RPL37A: variants seen among roughly 807,000 people sequenced by gnomAD.
The protein encoded by RPL37A is ribosomal protein L37a, also known as large ribosomal subunit protein eL43.
A neutral mutation model predicts 13.6 loss-of-function variants in RPL37A; 5 were observed. That is an observed-to-expected ratio of 0.37 (90% CI 0.19 to 0.78). The LOEUF is 0.78. RPL37A is among the 30% of genes least tolerant of loss of function. The probability of loss-of-function intolerance (pLI) is 0.49; values close to 1 mark genes in which losing one functional copy is unlikely to be tolerated. For synonymous variants in RPL37A, 50 were observed against 44.4 expected (o/e 1.13, Z -0.50); for missense variants, 77 against 120.0 (o/e 0.64, Z 1.67).
Position 216,498,994 on chromosome 2 carries a change from C to T in RPL37A, c.3+117C>T, listed in dbSNP as rs1574496587. The T allele has an allele frequency of 1.1e-5, 16 of 1,439,592 alleles. No individual in the cohort carries two copies. In the East Asian group the frequency reaches 3.0e-4, roughly 27 times the overall value. The allele number at this position is 1,439,592 out of a possible 1,614,324, so 89.2% of individuals were successfully genotyped here. A position where few individuals can be genotyped will look rare whatever the true frequency, so the allele number is the denominator to read the frequency against. ...CCCGTGTTCTCTCCTGTCTCCATGC[C>T]TTTGCAGGAGACACCATTGTCGGAA... On this transcript the variant is annotated intron_variant, in intron 1 of 3. Transcript: ENST00000491306.
At position 216,501,390 on chromosome 2, in the gene RPL37A, T is replaced by A. The variant is rs557508271; in HGVS notation, c.265T>A (p.Leu89Met). Reference sequence around the variant, plus strand: ...GTCCGCCATCAGAAGACTGAAGGAGTTGAAAGACCAGTAGACGCTCCTCTA... The same window carrying A: ...GTCCGCCATCAGAAGACTGAAGGAGATGAAAGACCAGTAGACGCTCCTCTA... The part of the protein sequence containing the change: ...VKSAIRRLKE[L>M]KDQ The change falls in exon 4 of 4, where the codon TTG becomes ATG. Residue 89 changes from leucine (L) to methionine (M), a missense_variant. Leu to Met is a conservative substitution (Grantham distance 15). Coordinates refer to ENST00000491306, the MANE Select transcript of RPL37A (RefSeq NM_000998.5). The A allele has an allele frequency of 1.7e-5, 28 of 1,611,580 alleles. No homozygotes were observed. The South Asian group carries it at 2.9e-4, about 16-fold the overall frequency.
chr2:216,499,059 C>T (rs1242472111), intron 1 of RPL37A, 182 bp downstream of exon 1: 8 of 1,159,400 alleles, frequency 6.9e-6, no homozygotes, highest in Non-Finnish European at 7.3e-6. Flanking sequence ...TTGGCTGGGC[C>T]TGGCGCGCTC....
intron 2 of RPL37A, 112 bp downstream of exon 2, chr2:216,499,510 A>C: frequency 8.1e-7 from 1 of 1,241,898 alleles, no homozygotes; most frequent in Non-Finnish European, 1.1e-6. Context: ...AGTTGGAATT[A>C]CTCATACCGT....
At position 216,503,646 on chromosome 2, in the gene RPL37A, G is replaced by A. The variant is rs77233212; in HGVS notation, c.*2242G>A. 0.024 allele frequency: 3,607 copies of A among 152,276 alleles called. 113 individuals are homozygous for A. Among genetic ancestry groups the A allele is most frequent in the East Asian group, 0.17 (889 of 5,186 alleles). 9.4% of individuals were successfully genotyped at this position (152,276 alleles called of 1,614,324 possible). On this transcript the variant is annotated 3_prime_UTR_variant, in exon 4 of 4. Transcript: ENST00000491306. ...CAAACTCCCAGGCTCAACTGATAAC[G>A]TCTGCCTTGGCCTCCCAAAGTGCTG...
Position 216,501,329 on chromosome 2 carries a change from C to A in RPL37A, c.216-12C>A. On this transcript the variant is annotated splice_polypyrimidine_tract_variant and intron_variant, in intron 3 of 3. Coordinates refer to ENST00000491306, the MANE Select transcript of RPL37A (RefSeq NM_000998.5). ...TGCTTAATTATGTTGGAAACTGAAT[C>A]TTTCTTTCCAGTACCACTTCCGCTG... 6.2e-7 allele frequency: 1 copy of A among 1,609,382 alleles called. No individual in the cohort carries two copies. Among genetic ancestry groups the A allele is most frequent in the Admixed American group, 1.7e-5 (1 of 59,752 alleles).
Position 216,502,821 on chromosome 2 carries a change from TC to T in RPL37A, c.*1418del. The T allele has an allele frequency of 6.6e-6, 1 of 152,366 alleles. No homozygotes were observed. Among genetic ancestry groups the T allele is most frequent in the Middle Eastern group, 3.4e-3 (1 of 294 alleles). The allele number at this position is 152,366 out of a possible 1,614,324, so 9.4% of individuals were successfully genotyped here. On this transcript the variant is annotated 3_prime_UTR_variant, in exon 4 of 4. Coordinates refer to ENST00000491306, the MANE Select transcript of RPL37A (RefSeq NM_000998.5). ...TATCTTCTATAACTTGTTTTTTTGC[TC>T]ATTACTGGCCTTTGCACGGATGTCT...
Position 216,501,390 on chromosome 2 carries a change from T to C in RPL37A, c.265T>C (p.Leu89=). 1.9e-6 allele frequency: 3 copies of C among 1,611,580 alleles called. No individual in the cohort carries two copies. The highest frequency in any genetic ancestry group is 2.5e-6 in the Non-Finnish European group (3 of 1,179,096). ...VKSAIRRLKE[L]KDQ is the part of the protein sequence containing the mutation. ...GTCCGCCATCAGAAGACTGAAGGAG[T>C]TGAAAGACCAGTAGACGCTCCTCTA... Residue 89 remains leucine, a synonymous_variant, in exon 4 of 4, where the codon TTG becomes CTG. Transcript: ENST00000491306.
rs1478055639 is a variant in RPL37A, at chr2:216,499,359, C to T, written c.93C>T (p.Ile31=). The part of the protein sequence containing the change: ...SLRKMVKKIE[I]SQHAKYTCSF... ...GGAAAATGGTGAAGAAAATTGAAAT[C>T]AGCCAGCACGCCAAGTACACTTGCT... The change falls in exon 2 of 4, where the codon ATC becomes ATT. Residue 31 remains isoleucine (I), a synonymous_variant. Transcript: ENST00000491306. 1 of 1,614,174 alleles carries T rather than the reference C, an allele frequency of 6.2e-7. No individual in the cohort carries two copies. The highest frequency in any genetic ancestry group is 8.5e-7 in the Non-Finnish European group (1 of 1,180,038).
At position 216,499,998 on chromosome 2, in the gene RPL37A, T is replaced by C. The variant is rs756543523; in HGVS notation, c.182T>C (p.Met61Thr). 6.2e-7 allele frequency: 1 copy of C among 1,614,012 alleles called. No individual in the cohort carries two copies. Among genetic ancestry groups the C allele is most frequent in the Non-Finnish European group, 8.5e-7 (1 of 1,180,010 alleles). Reference protein sequence around the residue: ...AVGIWHCGSCMKTVAGGAWTY... With the variant: ...AVGIWHCGSCTKTVAGGAWTY... ...GGGATCTGGCACTGTGGTTCCTGCA[T>C]GAAGACAGTGGCTGGCGGTGCCTGG... Residue 61 changes from methionine (M) to threonine (T), a missense_variant, in exon 3 of 4, where the codon ATG becomes ACG. Physicochemically the swap from Met to Thr is moderately conservative, Grantham distance 81. Coordinates refer to ENST00000491306, the MANE Select transcript of RPL37A (RefSeq NM_000998.5).
chr2:216,498,964 C>T (rs1271772282), intron 1 of RPL37A, 87 bp downstream of exon 1: 8 of 1,556,264 alleles, frequency 5.1e-6, no homozygotes, highest in African/African-American at 1.4e-5. Flanking sequence ...CCTCTCCTGC[C>T]TTACCCCGTG....
intron 2 of RPL37A, chr2:216,499,723 G>C (rs997034689): frequency 1.5e-4 from 101 of 689,018 alleles, no homozygotes; most frequent in Non-Finnish European, 2.4e-4. Flanking sequence ...CAAGATGTCT[G>C]TGCATCTAAT....
In RPL37A at chr2:216,500,146, G is replaced by T. The variant is rs557597801; in HGVS notation, c.215+115G>T. 22 of 750,076 alleles carry T rather than the reference G, an allele frequency of 2.9e-5. No individual in the cohort carries two copies. The African/African-American group carries it at 3.7e-4, about 13-fold the overall frequency. The allele number at this position is 750,076 out of a possible 1,614,324, so 46.5% of individuals were successfully genotyped here. ...TTCTCAGGACTGAGAGAATAAGGAT[G>T]CCTTTGTATTTTCAGGATTCTTCCG... On this transcript the variant is annotated intron_variant, in intron 3 of 3. Coordinates refer to ENST00000491306, the MANE Select transcript of RPL37A (RefSeq NM_000998.5).
chr2:216,501,539 C>T lies in RPL37A; in HGVS notation c.*135C>T. 1 of 579,876 alleles carries T rather than the reference C, an allele frequency of 1.7e-6. No homozygotes were observed. The highest frequency in any genetic ancestry group is 2.4e-5 in the South Asian group (1 of 42,240). 35.9% of individuals were successfully genotyped at this position (579,876 alleles called of 1,614,324 possible). On this transcript the variant is annotated 3_prime_UTR_variant, in exon 4 of 4. Transcript: ENST00000491306. ...TGTAAATACTGTTGTATTGGAAAAG[C>T]ATGCCAAGATGGATTATTGTAATTC...
intron 2 of RPL37A, 41 bp from the exon 3 acceptor site, chr2:216,499,908 T>TA (rs1306727682): frequency 6.5e-7 from 1 of 1,526,796 alleles, no homozygotes. Context: ...TAAGAGAAAA[T>TA]ACTTACTTGG....
rs1695552800 is a variant in RPL37A at position 216,499,190 on chromosome 2, G to C, written c.4-80G>C. The C allele has an allele frequency of 2.7e-6, 4 of 1,491,850 alleles. No homozygotes were observed. In the African/African-American group the frequency reaches 4.2e-5, roughly 16 times the overall value. 92.4% of individuals were successfully genotyped at this position (1,491,850 alleles called of 1,614,324 possible). A position where few individuals can be genotyped will look rare whatever the true frequency, so the allele number is the denominator to read the frequency against. On this transcript the variant is annotated intron_variant, in intron 1 of 3. Coordinates refer to ENST00000491306, the MANE Select transcript of RPL37A (RefSeq NM_000998.5). ...CACATGTCGGTCACACGTCAGTGAG[G>C]TGGAGGAACGGTGTGTGGAGGCTCC...
Position 216,501,639 on chromosome 2 carries a change from G to T in RPL37A, c.*235G>T. ...TCTTCCAAGTTAGATATGAGTGTTA[G>T]CTTTTTATAAGTCTGCTCCTGCCAG... On this transcript the variant is annotated 3_prime_UTR_variant, in exon 4 of 4. Coordinates refer to ENST00000491306, the MANE Select transcript of RPL37A (RefSeq NM_000998.5). 2.7e-6 allele frequency: 1 copy of T among 366,358 alleles called. No individual in the cohort carries two copies. The allele number at this position is 366,358 out of a possible 1,614,324, so 22.7% of individuals were successfully genotyped here. A position where few individuals can be genotyped will look rare whatever the true frequency, so the allele number is the denominator to read the frequency against.
At chr2:216,500,252 T>C (rs1477414401) in intron 3 of RPL37A, 3 of 581,502 alleles carry the variant, frequency 5.2e-6, no homozygotes, top group African/African-American at 1.9e-5. Context: ...ACAGACTACT[T>C]TAGAATTTGA....
chr2:216,500,158 T>C, intron 3 of RPL37A, 127 bp downstream of exon 3: 1 of 698,410 alleles, frequency 1.4e-6, no homozygotes, highest in South Asian at 1.7e-5. Flanking sequence ...CTTTGTATTT[T>C]CAGGATTCTT....
chr2:216,499,082 C>A lies in RPL37A; in HGVS notation c.4-188C>A. 2.6e-6 allele frequency: 3 copies of A among 1,136,060 alleles called. No homozygotes were observed. In the East Asian group the frequency reaches 7.7e-5, roughly 29 times the overall value. 70.4% of individuals were successfully genotyped at this position (1,136,060 alleles called of 1,614,324 possible). A position where few individuals can be genotyped will look rare whatever the true frequency, so the allele number is the denominator to read the frequency against. On this transcript the variant is annotated intron_variant, in intron 1 of 3. Transcript: ENST00000491306. ...GCCTGGCGCGCTCCAGCCGGGTTAA[C>A]GCCGGGCCTTCGGAGCGCGCGGCCA...
Sources: allele counts gnomAD v4.1 joint callset, GRCh38; gene constraint gnomAD v4.1.1; transcripts MANE v1.5; gene names NCBI Gene and HGNC (gene_info 2026-07-23, HGNC 2026-07-21).